The following MYO18B variants were observed in gnomAD, a reference collection of about 807,000 sequenced individuals.
MYO18B encodes the protein myosin XVIIIB.
Under a neutral mutation model 273.0 loss-of-function variants are expected in MYO18B, and 204 were observed. That is an observed-to-expected ratio of 0.75 (90% confidence interval 0.67 to 0.84). MYO18B has a LOEUF of 0.84. Among genes scored for constraint, MYO18B ranks in the 40% least tolerant of loss-of-function variants. MYO18B has a pLI of 0.00. For synonymous variants in MYO18B, 1,330 were observed against 1,305.7 expected, an observed-to-expected ratio of 1.02 and a Z score of -0.40; for missense variants, 3,212 against 3,287.6, an observed-to-expected ratio of 0.98 and a Z score of 0.56.
chr22:25,952,548 C>T (rs1304784718), intron 38 of MYO18B, 125 bp downstream of exon 38: 1 of 1,254,536 alleles, frequency 8.0e-7, no homozygotes, highest in Non-Finnish European at 1.1e-6. Flanking sequence ...CATTACTCAT[C>T]CACTTCTCAC....
chr22:25,890,462 T>A (rs2091627812), intron 25 of MYO18B, among the ~76,000 whole-genome samples: 1 of 152,218 alleles, frequency 6.6e-6, no homozygotes, highest in African/African-American at 2.4e-5. Context: ...TTTCAATGGA[T>A]TATCTCCTTG....
chr22:25,820,286 C>A (rs1437090785), intron 12 of MYO18B, among the ~76,000 whole-genome samples: 2 of 151,836 alleles, frequency 1.3e-5, no homozygotes, highest in African/African-American at 2.4e-5. Context: ...TAAGCAATAT[C>A]TATTTGTAAT....
At chr22:25,763,537 C>A in intron 3 of MYO18B, 148 bp downstream of exon 3, 1 of 943,590 alleles carries the variant, frequency 1.1e-6, no homozygotes, top group Non-Finnish European at 1.5e-6. Flanking sequence ...ATCTATTGAG[C>A]TCTTATGTAC....
intron 12 of MYO18B, among the ~76,000 whole-genome samples, chr22:25,807,798 G>C (rs1371126255): frequency 6.6e-6 from 1 of 152,076 alleles, no homozygotes; most frequent in East Asian, 1.9e-4. Flanking sequence ...AGGACGTATA[G>C]GATGGGAGCT....
downstream of MYO18B, among the ~76,000 whole-genome samples, chr22:26,033,979 G>T (rs1936727749): frequency 6.9e-6 from 1 of 144,966 alleles, no homozygotes; most frequent in South Asian, 2.2e-4. Flanking sequence ...TTTGGATGGG[G>T]TTTTGCTCTT....
intron 17 of MYO18B, among the ~76,000 whole-genome samples, chr22:25,841,061 T>C (rs926522001): frequency 6.6e-6 from 1 of 152,244 alleles, no homozygotes; most frequent in African/African-American, 2.4e-5. Context: ...GGGCTCGCTG[T>C]TCATGACCTC....
chr22:26,051,876 C>T, the MYO18B span, among the ~76,000 whole-genome samples: 2 of 152,194 alleles, frequency 1.3e-5, no homozygotes, highest in Admixed American at 6.5e-5. Context: ...ACTTTTTGCA[C>T]TTAAAAACAT....
chr22:25,819,526 C>T (rs1484362758), intron 12 of MYO18B, among the ~76,000 whole-genome samples: 1 of 148,906 alleles, frequency 6.7e-6, no homozygotes, highest in Non-Finnish European at 1.5e-5. Context: ...ATATTTGCTT[C>T]TTAACAAAGA....
intron 19 of MYO18B, 47 bp from the exon 20 acceptor site, chr22:25,847,383 G>C: frequency 1.3e-6 from 2 of 1,488,174 alleles, no homozygotes; most frequent in Non-Finnish European, 1.8e-6. Flanking sequence ...TCCCCTTTCT[G>C]TGTCTCTGTG....
intron 17 of MYO18B, among the ~76,000 whole-genome samples, chr22:25,839,262 A>G (rs905490163): frequency 6.6e-6 from 1 of 151,838 alleles, no homozygotes; most frequent in East Asian, 1.9e-4. Flanking sequence ...ATGTGTGTGC[A>G]TGTGTGTATA....
chr22:25,940,371 C>T (rs1468921172), intron 34 of MYO18B, among the ~76,000 whole-genome samples: 1 of 152,186 alleles, frequency 6.6e-6, no homozygotes, highest in Non-Finnish European at 1.5e-5. Flanking sequence ...TTCTCCTTTG[C>T]CTTCTGCCGT....
intron 30 of MYO18B, 133 bp downstream of exon 30, chr22:25,902,869 TC>T: frequency 1.0e-6 from 1 of 969,936 alleles, no homozygotes; most frequent in Non-Finnish European, 1.5e-6. Context: ...AGCAGCTGAA[TC>T]CCAGTGTGTC....
At chr22:25,931,520 G>A (rs2092500585) in intron 34 of MYO18B, among the ~76,000 whole-genome samples, 3 of 152,156 alleles carry the variant, frequency 2.0e-5, no homozygotes, top group African/African-American at 7.2e-5. Context: ...AGTGAATTCT[G>A]CAATGGCAGG....
intron 35 of MYO18B, among the ~76,000 whole-genome samples, chr22:25,947,497 C>T (rs2072005): frequency 2.2e-5 from 2 of 92,166 alleles, no homozygotes; most frequent in African/African-American, 9.0e-5. Context: ...TACACACACA[C>T]ACACACACAC....
chr22:25,921,839 T>TGTGTGTGTGTGTGTG (rs2092351435), intron 34 of MYO18B, among the ~76,000 whole-genome samples: 1 of 151,024 alleles, frequency 6.6e-6, no homozygotes, highest in Non-Finnish European at 1.5e-5. Flanking sequence ...TGTGTGTGTG[T>TGTGTGTGTGTGTGTG]GTGTGTGTGT....
chr22:26,056,806 G>A, the MYO18B span, among the ~76,000 whole-genome samples: 54 of 152,300 alleles, frequency 3.5e-4, no homozygotes, highest in East Asian at 8.3e-3. Context: ...ACATTCAAAG[G>A]ACTAGGAAAG....
chr22:25,879,256 T>A (rs2146210381), intron 25 of MYO18B, among the ~76,000 whole-genome samples: 1 of 152,358 alleles, frequency 6.6e-6, no homozygotes, highest in African/African-American at 2.4e-5. Context: ...CTGCGAAAGC[T>A]AAAACATTTA....
At chr22:25,949,982 A>G (rs552512429) in intron 36 of MYO18B, among the ~76,000 whole-genome samples, 1 of 152,218 alleles carries the variant, frequency 6.6e-6, no homozygotes, top group African/African-American at 2.4e-5. Context: ...ACTCAGGTGC[A>G]GAGAGGCTCC....
chr22:26,026,854 G>T lies in MYO18B; in HGVS notation c.6880G>T (p.Ala2294Ser), dbSNP rs750778518. The change falls in exon 43 of 44, where the codon GCT becomes TCT. Residue 2294 changes from alanine to serine, a missense_variant. By Grantham distance (99) the Ala-to-Ser change is moderately conservative (BLOSUM62 1). Transcript: ENST00000335473. ...GGCCTCCACACTAAGGAGGGGCAGGGCTGGCAGTGACGAGGGAAACCTCTC... is the reference window on the plus strand; with the variant it reads ...GGCCTCCACACTAAGGAGGGGCAGGTCTGGCAGTGACGAGGGAAACCTCTC... ...TGASTLRRGR[A>S]GSDEGNLSLR... The T allele has an allele frequency of 3.1e-6, 5 of 1,595,304 alleles. No individual in the cohort carries two copies. Among genetic ancestry groups the T allele is most frequent in the Non-Finnish European group, 4.3e-6 (5 of 1,170,600 alleles).
Sources: gnomAD v4.1 joint callset for allele counts (sites outside exome capture counted in the v4.1 genomes callset) on GRCh38, gnomAD v4.1.1 for gene constraint, MANE v1.5 for transcripts, NCBI Gene and HGNC (gene_info 2026-07-23, HGNC 2026-07-21) for gene names.